CYP4B1: variants seen among roughly 807,000 people sequenced by gnomAD.
CYP4B1 encodes the protein cytochrome P450 family 4 subfamily B member 1, also known as cytochrome P450 4B1.
CYP4B1 carries 45 observed loss-of-function variants against 54.0 expected under a neutral mutation model. That is an observed-to-expected ratio of 0.83 (90% confidence interval 0.66 to 1.07). The LOEUF is 1.07. CYP4B1 is among the 50% of genes least tolerant of loss of function. The pLI is 0.00. For missense variants in CYP4B1, 656 were observed against 655.4 expected (o/e 1.00, Z -0.01); for synonymous variants, 248 against 247.5 (o/e 1.00, Z -0.02).
In CYP4B1 at chr1:46,799,223, G is replaced by C. The variant is rs780156530; in HGVS notation, c.142G>C (p.Gly48Arg). Residue 48 changes from glycine (G) to arginine (R), a missense_variant, in exon 1 of 12, where the codon GGG becomes CGG. By Grantham distance (125) the Gly-to-Arg change is moderately radical. Transcript: ENST00000371923. ...GGCTAAGGCTATGGACAAATTCCCA[G>C]GGCCTCCCACCCACTGGCTTTTTGG... ...TLAKAMDKFPGPPTHWLFGHA... is the reference protein window; with the variant it reads ...TLAKAMDKFPRPPTHWLFGHA... 6.2e-7 allele frequency: 1 copy of C among 1,604,182 alleles called. No homozygotes were observed. Among genetic ancestry groups the C allele is most frequent in the Non-Finnish European group, 8.5e-7 (1 of 1,175,268 alleles).
At chr1:46,814,799 G>A (rs959640729) in intron 7 of CYP4B1, 1 of 473,370 alleles carries the variant, frequency 2.1e-6, no homozygotes, top group Non-Finnish European at 3.7e-6. Context: ...CCTCTGGCAG[G>A]TGGTATTCTA....
chr1:46,818,157 T>G lies in CYP4B1; in HGVS notation c.1299T>G (p.Thr433=). The change falls in exon 11 of 12, where the codon ACT becomes ACG. Residue 433 remains threonine, a synonymous_variant. Transcript: ENST00000371923. The stretch of plus-strand genomic sequence containing the variant: ...TCTTTGACTCTCTGCGCTTTTCCAC[T>G]GAGAATGCATCCAAACGCCATCCCT... ...PEVFDSLRFS[T]ENASKRHPFA... The G allele has an allele frequency of 8.1e-6, 13 of 1,614,172 alleles. No individual in the cohort carries two copies. The highest frequency in any genetic ancestry group is 1.1e-5 in the Non-Finnish European group (13 of 1,180,014).
chr1:46,812,430 A>C, intron 3 of CYP4B1, 66 bp from the exon 4 acceptor site: 1 of 1,535,300 alleles, frequency 6.5e-7, no homozygotes, highest in Non-Finnish European at 8.8e-7. Flanking sequence ...GTCGTGTAGG[A>C]TGTGCTTAGC....
At chr1:46,800,219 T>TTCTC (rs1244845805) in intron 1 of CYP4B1, among the ~76,000 whole-genome samples, 2 of 11,864 alleles carry the variant, frequency 1.7e-4, no homozygotes, top group Non-Finnish European at 7.8e-4. Context: ...TTCTTTCTCT[T>TTCTC]TCTCTCTTTC....
Position 46,799,141 on chromosome 1 carries a change from GAT to G in CYP4B1, c.61_62del (p.Ile21LeufsTer20). The G allele has an allele frequency of 6.2e-7, 1 of 1,613,904 alleles. No homozygotes were observed. Among genetic ancestry groups the G allele is most frequent in the Non-Finnish European group, 8.5e-7 (1 of 1,179,940 alleles). ...SSLGLWASGLILVLGFLKLIH... is the reference protein window; with the variant it reads ...SSLGLWASGLXLVLGFLKLIH... ...CCTTGGGCCTGTGGGCTTCTGGGCTGATCTTGGTCTTAGGCTTTCTCAAGCTC... is the reference window on the plus strand; with the variant it reads ...CCTTGGGCCTGTGGGCTTCTGGGCTGCTTGGTCTTAGGCTTTCTCAAGCTC... On this transcript the variant is annotated frameshift_variant, in exon 1 of 12. Coordinates refer to ENST00000371923, the MANE Select transcript of CYP4B1 (RefSeq NM_001099772.2). LOFTEE classifies it high-confidence loss of function.
chr1:46,809,587 T>A (rs1457705435), intron 1 of CYP4B1, among the ~76,000 whole-genome samples: 1 of 152,158 alleles, frequency 6.6e-6, no homozygotes, highest in Non-Finnish European at 1.5e-5. Flanking sequence ...GAGGATTCAA[T>A]CAGGTCAAAA....
intron 1 of CYP4B1, among the ~76,000 whole-genome samples, chr1:46,800,211 CTT>C (rs1678570836): frequency 6.5e-5 from 2 of 30,936 alleles, no homozygotes; most frequent in African/African-American, 1.1e-4. Context: ...TTCTTTCTTT[CTT>C]TCTCTTTCTC....
intron 7 of CYP4B1, 92 bp from the exon 8 acceptor site, chr1:46,814,982 A>T: frequency 8.6e-7 from 1 of 1,162,684 alleles, no homozygotes; most frequent in Non-Finnish European, 1.3e-6. Flanking sequence ...ACTCCCTCCC[A>T]GAGACCTTCA....
At chr1:46,818,346 G>GAA in intron 11 of CYP4B1, 133 bp downstream of exon 11, 2 of 864,634 alleles carry the variant, frequency 2.3e-6, no homozygotes, top group Non-Finnish European at 3.7e-6. Flanking sequence ...TTCTAATGCA[G>GAA]GAGGCTTCTT....
chr1:46,811,088 C>G, intron 2 of CYP4B1, 52 bp from the exon 3 acceptor site: 1 of 1,609,386 alleles, frequency 6.2e-7, no homozygotes, highest in South Asian at 1.1e-5. Flanking sequence ...CATAAATGAG[C>G]CTCCTCTAGG....
chr1:46,815,299 A>G (rs1212310621), intron 8 of CYP4B1, 35 bp downstream of exon 8: 1 of 1,508,408 alleles, frequency 6.6e-7, no homozygotes, highest in South Asian at 1.3e-5. Flanking sequence ...TATCCTGCTC[A>G]GCCCTTGGGA....
At chr1:46,811,824 C>T (rs1017847778) in intron 3 of CYP4B1, among the ~76,000 whole-genome samples, 17 of 152,166 alleles carry the variant, frequency 1.1e-4, no homozygotes, top group South Asian at 2.1e-4. Context: ...GTGTCTTCAG[C>T]GTTTTCCTGG....
At chr1:46,800,298 CTTCT>C (rs1178430386) in intron 1 of CYP4B1, among the ~76,000 whole-genome samples, 17 of 87,934 alleles carry the variant, frequency 1.9e-4, no homozygotes, top group Admixed American at 5.4e-4. Context: ...TCCTTCCTTC[CTTCT>C]TTCCTTCCTT....
Position 46,812,604 on chromosome 1 carries a change from A to C in CYP4B1, c.476A>C (p.Glu159Ala). The C allele has an allele frequency of 6.2e-7, 1 of 1,613,664 alleles. No homozygotes were observed. Residue 159 changes from glutamate (E) to alanine (A), a missense_variant, in exon 4 of 12, where the codon GAG becomes GCG. Glu to Ala is a moderately radical substitution (Grantham distance 107). Coordinates refer to ENST00000371923, the MANE Select transcript of CYP4B1 (RefSeq NM_001099772.2). ...VLKPYVAVFTESTRIMLDKWE... is the reference protein window; with the variant it reads ...VLKPYVAVFTASTRIMLDKWE... ...AAGCCCTATGTGGCCGTGTTCACTG[A>C]GTCTACACGTATCATGCTGGTGAGC... is the stretch of plus-strand genomic sequence containing the variant.
At chr1:46,802,257 G>A (rs888380788) in intron 1 of CYP4B1, among the ~76,000 whole-genome samples, 3 of 152,124 alleles carry the variant, frequency 2.0e-5, no homozygotes, top group Non-Finnish European at 4.4e-5. Flanking sequence ...GACTGCAGAG[G>A]CCTCTTTCCC....
chr1:46,800,617 A>G (rs1678619185), intron 1 of CYP4B1, among the ~76,000 whole-genome samples: 1 of 152,142 alleles, frequency 6.6e-6, no homozygotes, highest in African/African-American at 2.4e-5. Context: ...GGTGTGAGCC[A>G]CCGCGCCTGG....
At chr1:46,813,356 G>T in intron 4 of CYP4B1, 126 bp from the exon 5 acceptor site, 3 of 1,128,328 alleles carry the variant, frequency 2.7e-6, no homozygotes, top group East Asian at 2.4e-5. Flanking sequence ...GACAGGGACT[G>T]GGAGTGTGTG....
Position 46,813,438 on chromosome 1 carries a change from C to T in CYP4B1, c.496-44C>T. The stretch of plus-strand genomic sequence containing the variant: ...CTTGGGGCATCCAGCCCAACTAACC[C>T]CTGCATCGCCTCCTACACATTGCCT... On this transcript the variant is annotated intron_variant, in intron 4 of 11. Coordinates refer to ENST00000371923, the MANE Select transcript of CYP4B1 (RefSeq NM_001099772.2). 3.1e-6 allele frequency: 5 copies of T among 1,613,332 alleles called. No individual in the cohort carries two copies. The South Asian group carries it at 4.4e-5, about 14-fold the overall frequency.
rs576580507 is a variant in CYP4B1, at chr1:46,799,068, C to T, written c.-14C>T. ...GGCAGGTCAGATGAAGGCTAGGTGG[C>T]TGGAACTGCAACCATGGTGCCCAGC... On this transcript the variant is annotated 5_prime_UTR_variant, in exon 1 of 12. Coordinates refer to ENST00000371923, the MANE Select transcript of CYP4B1 (RefSeq NM_001099772.2). 3 of 1,613,484 alleles carry T rather than the reference C, an allele frequency of 1.9e-6. No homozygotes were observed. The highest frequency in any genetic ancestry group is 1.7e-4 in the Middle Eastern group (1 of 5,978).
Sources: allele counts gnomAD v4.1 joint callset (sites outside exome capture counted in the v4.1 genomes callset), GRCh38; gene constraint gnomAD v4.1.1; transcripts MANE v1.5; gene names NCBI Gene and HGNC (gene_info 2026-07-23, HGNC 2026-07-21).